BMP10: variants seen among roughly 807,000 people sequenced by gnomAD.
BMP10 encodes the protein bone morphogenetic protein 10.
A neutral mutation model predicts 29.9 loss-of-function variants in BMP10; 9 were observed. The observed-to-expected ratio is 0.30, with a 90% CI of 0.18 to 0.53. BMP10 has a LOEUF of 0.53. BMP10 is among the 20% of genes least tolerant of loss of function. The pLI is 0.96. For synonymous variants in BMP10, 202 were observed against 200.2 expected (o/e 1.01, Z -0.07); for missense variants, 474 against 524.3 (o/e 0.90, Z 0.94).
Position 68,865,942 on chromosome 2 carries a change from A to C in BMP10, c.964T>G (p.Tyr322Asp). The C allele has an allele frequency of 6.2e-7, 1 of 1,614,042 alleles. No homozygotes were observed. Among genetic ancestry groups the C allele is most frequent in the Non-Finnish European group, 8.5e-7 (1 of 1,179,994 alleles). ...ATGTAGAGCGGGGTCCTCTTACAGT[A>C]GTTTCCTTTGGCGTTCCTTCTGATT... ...ARIRRNAKGN[Y>D]CKRTPLYIDF... The change falls in exon 2 of 2, where the codon TAC becomes GAC. Residue 322 changes from tyrosine (Y) to aspartate (D), a missense_variant. Around this residue, in one of 2 missense-constraint regions of BMP10, gnomAD observed 408 missense variants for 415.3 expected, o/e 0.98. Coordinates refer to ENST00000295379, the MANE Select transcript of BMP10 (RefSeq NM_014482.3). This position sits in a 1 kb window ranked among gnomAD's most constrained non-coding sequence, Gnocchi z 4.7.
rs1335173024 is a variant in BMP10, at chr2:68,864,670, A to G, written c.*961T>C. On this transcript the variant is annotated 3_prime_UTR_variant, in exon 2 of 2. Transcript: ENST00000295379. ...AAAGATATTAACATCCTTTCTTCCA[A>G]CAGACAGACCCCTTCTGATTTTCCT... 1.3e-5 allele frequency among the ~76,000 whole-genome samples: 2 copies of G among 152,224 alleles called. No homozygotes were observed. The highest frequency in any genetic ancestry group is 4.8e-5 in the African/African-American group (2 of 41,470).
rs1472576281 is a variant in BMP10, at chr2:68,862,616, G to T, written c.*3015C>A. Among the ~76,000 whole-genome samples, 2 of 152,108 alleles carry T rather than the reference G, an allele frequency of 1.3e-5. No individual in the cohort carries two copies. Among genetic ancestry groups the T allele is most frequent in the Admixed American group, 6.5e-5 (1 of 15,270 alleles). On this transcript the variant is annotated 3_prime_UTR_variant, in exon 2 of 2. Coordinates refer to ENST00000295379, the MANE Select transcript of BMP10 (RefSeq NM_014482.3). ...TGCAATAAAAGGGGGAAAAAAACTGGCATGGGACCCAGAAGAAGGTCTATG... is the reference window on the plus strand; with the variant it reads ...TGCAATAAAAGGGGGAAAAAAACTGTCATGGGACCCAGAAGAAGGTCTATG...
chr2:68,867,966 G>T lies in BMP10; in HGVS notation c.335-1395C>A, dbSNP rs139113138. Among the ~76,000 whole-genome samples, 216 of 152,180 alleles carry T rather than the reference G, an allele frequency of 1.4e-3. 1 individual carries two copies. The highest frequency in any genetic ancestry group is 5.1e-3 in the African/African-American group (210 of 41,530). The stretch of plus-strand genomic sequence containing the variant: ...ATACAATAATTTCACATGATTAATA[G>T]CTTTCTTTGGGTACCACCTAAATTA... On this transcript the variant is annotated intron_variant, in intron 1 of 1. Coordinates refer to ENST00000295379, the MANE Select transcript of BMP10 (RefSeq NM_014482.3).
rs781652114 is a variant in BMP10 at position 68,862,739 on chromosome 2, C to T, written c.*2892G>A. 2.6e-5 allele frequency among the ~76,000 whole-genome samples: 4 copies of T among 152,136 alleles called. No homozygotes were observed. The highest frequency in any genetic ancestry group is 2.1e-4 in the South Asian group (1 of 4,806). On this transcript the variant is annotated 3_prime_UTR_variant, in exon 2 of 2. Transcript: ENST00000295379. ...GTTGAAAGTGACACCGGTGTGCTGCCGGGGTTCCGGTGGGAGCTGGGAGAA... is the reference window on the plus strand; with the variant it reads ...GTTGAAAGTGACACCGGTGTGCTGCTGGGGTTCCGGTGGGAGCTGGGAGAA...
Position 68,871,082 on chromosome 2 carries a change from C to T in BMP10, c.277G>A (p.Ala93Thr), listed in dbSNP as rs1234041156. Residue 93 changes from alanine (A) to threonine (T), a missense_variant, in exon 1 of 2, where the codon GCA becomes ACA. This residue lies in a region of BMP10 where 408 missense variants were observed against 415.3 expected (regional missense o/e 0.98). Coordinates refer to ENST00000295379, the MANE Select transcript of BMP10 (RefSeq NM_014482.3). ...GAGGGCATGGAGGTCCGATCTGTTG[C>T]AAATTTGTTGTAGAGTTCCAACATG... ...EYMLELYNKF[A>T]TDRTSMPSAN... is the part of the protein sequence containing the mutation. 6.2e-7 allele frequency: 1 copy of T among 1,613,986 alleles called. No homozygotes were observed. Among genetic ancestry groups the T allele is most frequent in the African/African-American group, 1.3e-5 (1 of 74,922 alleles).
In BMP10 at chr2:68,866,021, C is replaced by T. The variant is rs1682944609; in HGVS notation, c.885G>A (p.Gly295=). The T allele has an allele frequency of 1.9e-6, 3 of 1,613,948 alleles. No homozygotes were observed. The highest frequency in any genetic ancestry group is 2.5e-6 in the Non-Finnish European group (3 of 1,179,974). The change falls in exon 2 of 2, where the codon GGG becomes GGA. Residue 295 remains glycine, a synonymous_variant. Coordinates refer to ENST00000295379, the MANE Select transcript of BMP10 (RefSeq NM_014482.3). ...ATCTCATCTGCAACAAAGCCTCTTC[C>T]CCAGGTCCACTGGAAAAGCTATCCA... is the stretch of plus-strand genomic sequence containing the variant. ...LGLDSFSSGP[G]EEALLQMRSN...
In BMP10 at chr2:68,871,019, A is replaced by T; in HGVS notation, c.334+6T>A. 1.2e-6 allele frequency: 2 copies of T among 1,604,604 alleles called. No individual in the cohort carries two copies. The highest frequency in any genetic ancestry group is 1.7e-6 in the Non-Finnish European group (2 of 1,172,942). On this transcript the variant is annotated splice_donor_region_variant and intron_variant, in intron 1 of 1. Transcript: ENST00000295379. ...TCCTAGCAAAATTTCATCAGCAAAAACTTACCTTCATTCTTGAAACTCCTA... is the reference window on the plus strand; with the variant it reads ...TCCTAGCAAAATTTCATCAGCAAAATCTTACCTTCATTCTTGAAACTCCTA...
In BMP10 at chr2:68,870,709, G is replaced by A. The variant is rs557680116; in HGVS notation, c.334+316C>T. The stretch of plus-strand genomic sequence containing the variant: ...CCTATTTGGAAAATGACAAAGGTAC[G>A]GCAGTAGACCAACATTAATTCTTTG... On this transcript the variant is annotated intron_variant, in intron 1 of 1. Transcript: ENST00000295379. Among the ~76,000 whole-genome samples, 34 of 152,194 alleles carry A rather than the reference G, an allele frequency of 2.2e-4. No homozygotes were observed. In the South Asian group the frequency reaches 6.8e-3, roughly 31 times the overall value.
At chr2:68,866,606 G>T in intron 1 of BMP10, 35 bp from the exon 2 acceptor site, 1 of 1,543,182 alleles carries the variant, frequency 6.5e-7, no homozygotes, top group Non-Finnish European at 8.8e-7. Flanking sequence ...CAGGTTTGCA[G>T]TGGGTCTCAG....
At chr2:68,870,374 G>A (rs1364514145) in intron 1 of BMP10, among the ~76,000 whole-genome samples, 1 of 152,178 alleles carries the variant, frequency 6.6e-6, no homozygotes, top group Non-Finnish European at 1.5e-5. Flanking sequence ...AAGCTTGTAC[G>A]TTGCTCTTTA....
intron 1 of BMP10, among the ~76,000 whole-genome samples, chr2:68,867,585 T>C (rs1453343358): frequency 6.6e-6 from 1 of 152,200 alleles, no homozygotes; most frequent in South Asian, 2.1e-4. Flanking sequence ...TATCTGAATA[T>C]TTCACAGTGA....
At chr2:68,869,576 C>G (rs1683032605) in intron 1 of BMP10, among the ~76,000 whole-genome samples, 2 of 152,238 alleles carry the variant, frequency 1.3e-5, no homozygotes, top group Admixed American at 6.5e-5. Context: ...TTCTAGTTTT[C>G]CAGGGGATGC....
chr2:68,868,905 G>A (rs898892989), intron 1 of BMP10, among the ~76,000 whole-genome samples: 7 of 152,254 alleles, frequency 4.6e-5, no homozygotes, highest in African/African-American at 1.7e-4. Context: ...AAATATGTGC[G>A]ATTATACTTT....
intron 1 of BMP10, among the ~76,000 whole-genome samples, chr2:68,868,931 TTA>T (rs1022245771): frequency 2.6e-5 from 4 of 152,248 alleles, no homozygotes; most frequent in Admixed American, 1.3e-4. Context: ...ATCAATATTT[TTA>T]TATGTCATAT....
intron 1 of BMP10, among the ~76,000 whole-genome samples, chr2:68,867,780 C>T (rs983653786): frequency 6.6e-6 from 1 of 151,798 alleles, no homozygotes; most frequent in Non-Finnish European, 1.5e-5. Flanking sequence ...TCGGTGAGTC[C>T]CTGTTTCAGA....
At position 68,869,618 on chromosome 2, in the gene BMP10, A is replaced by G. The variant is rs74477980; in HGVS notation, c.334+1407T>C. Among the ~76,000 whole-genome samples the G allele has an allele frequency of 3.8e-3, 584 of 152,334 alleles. 21 individuals are homozygous for G. In the East Asian group the frequency reaches 0.085, roughly 22 times the overall value. On this transcript the variant is annotated intron_variant, in intron 1 of 1. Coordinates refer to ENST00000295379, the MANE Select transcript of BMP10 (RefSeq NM_014482.3). ...CATTTTCTCACCCACACCCTGAGCC[A>G]GACACTTAGGGCTCAGTGCTGAGAA...
chr2:68,870,263 C>T (rs1446274903), intron 1 of BMP10, among the ~76,000 whole-genome samples: 2 of 151,898 alleles, frequency 1.3e-5, no homozygotes, highest in Non-Finnish European at 2.9e-5. Context: ...AACAAACAAA[C>T]AAACAAACAA....
chr2:68,870,251 AAAACAAAC>A (rs146833394), intron 1 of BMP10, among the ~76,000 whole-genome samples: 6 of 152,208 alleles, frequency 3.9e-5, no homozygotes, highest in African/African-American at 9.7e-5. Context: ...TATTAACCAA[AAAACAAAC>A]AAACAAACAA....
At chr2:68,870,841 G>A (rs952853457) in intron 1 of BMP10, among the ~76,000 whole-genome samples, 184 bp downstream of exon 1, 2 of 152,052 alleles carry the variant, frequency 1.3e-5, no homozygotes, top group Admixed American at 6.6e-5. Context: ...AGTATTTTTC[G>A]AGGTTCCTGA....
Sources: gnomAD v4.1 joint callset for allele counts (sites outside exome capture counted in the v4.1 genomes callset) on GRCh38, gnomAD v4.1.1 for gene constraint, gnomAD v4.1.1 regional missense constraint, Gnocchi (gnomAD v3.1) non-coding constraint, MANE v1.5 for transcripts, NCBI Gene and HGNC (gene_info 2026-07-23, HGNC 2026-07-21) for gene names.